The following ANO4 variants were observed in gnomAD, a reference collection of about 807,000 sequenced individuals.
ANO4 encodes anoctamin-4.
A neutral mutation model predicts 141.9 loss-of-function variants in ANO4; 69 were observed. That is an observed-to-expected ratio of 0.49 (90% CI 0.40 to 0.59). ANO4 has a LOEUF of 0.59. Among genes scored for constraint, ANO4 ranks in the 20% least tolerant of loss-of-function variants. The pLI is 0.00. For missense variants in ANO4, 894 were observed against 1,162.2 expected, an observed-to-expected ratio of 0.77 and a Z score of 3.36; for synonymous variants, 350 against 394.3, an observed-to-expected ratio of 0.89 and a Z score of 1.33.
intron 1 of ANO4, among the ~76,000 whole-genome samples, chr12:100,870,403 G>C (rs970260824): frequency 6.6e-6 from 1 of 152,020 alleles, no homozygotes; most frequent in Non-Finnish European, 1.5e-5. Context: ...AAGCAGCATT[G>C]GTTGTCTATT....
intron 2 of ANO4, among the ~76,000 whole-genome samples, chr12:100,914,966 C>A (rs2041269442): frequency 6.6e-6 from 1 of 152,064 alleles, no homozygotes; most frequent in Non-Finnish European, 1.5e-5. Context: ...AGGTATGCAC[C>A]AATATGCCCA....
intron 3 of ANO4, among the ~76,000 whole-genome samples, chr12:100,936,846 C>T (rs192877856): frequency 2.0e-5 from 3 of 152,306 alleles, no homozygotes; most frequent in East Asian, 1.9e-4. Flanking sequence ...TAATCCTCTT[C>T]GCCACCCTGA....
intron 5 of ANO4, among the ~76,000 whole-genome samples, chr12:100,960,217 A>G (rs1011865159): frequency 5.3e-5 from 8 of 152,090 alleles, no homozygotes; most frequent in Admixed American, 1.3e-4. Flanking sequence ...AAATGTTTTC[A>G]AATGTACTTT....
intron 1 of ANO4, among the ~76,000 whole-genome samples, chr12:100,899,542 A>G (rs1206376949): frequency 2.0e-5 from 3 of 152,146 alleles, no homozygotes; most frequent in Admixed American, 6.5e-5. Flanking sequence ...AGTGCTGCCT[A>G]TATTTGTTAC....
At chr12:101,096,449 C>T in intron 18 of ANO4, 87 bp from the exon 19 acceptor site, 1 of 1,089,226 alleles carries the variant, frequency 9.2e-7, no homozygotes, top group African/African-American at 1.6e-5. Flanking sequence ...CCTGCGTCCC[C>T]ACCCTGTGTG....
chr12:100,942,242 G>A (rs1427696065), intron 4 of ANO4, 135 bp from the exon 5 acceptor site: 5 of 947,658 alleles, frequency 5.3e-6, no homozygotes, highest in Non-Finnish European at 6.2e-6. Flanking sequence ...GCCTCCCAAA[G>A]TGCTGGGATT....
rs1279178333 is a variant in ANO4, at chr12:101,128,017, G to A, written c.*161G>A. The A allele has an allele frequency of 6.6e-6, 1 of 152,616 alleles. No individual in the cohort carries two copies. The highest frequency in any genetic ancestry group is 2.4e-5 in the African/African-American group (1 of 41,442). The allele number at this position is 152,616 out of a possible 1,614,324, so 9.5% of individuals were successfully genotyped here. A position where few individuals can be genotyped will look rare whatever the true frequency, so the allele number is the denominator to read the frequency against. On this transcript the variant is annotated 3_prime_UTR_variant, in exon 28 of 28. Coordinates refer to ENST00000392977, the MANE Select transcript of ANO4 (RefSeq NM_001286615.2). Reference sequence around the variant, plus strand: ...CAGCATCCAGTAGAGGACTGGCGTTGGAGTCACACTGCTGTGAAATCACGT... The same window carrying A: ...CAGCATCCAGTAGAGGACTGGCGTTAGAGTCACACTGCTGTGAAATCACGT...
chr12:100,770,651 G>A (rs2033258648), intron 3 of ANO4, among the ~76,000 whole-genome samples: 1 of 152,134 alleles, frequency 6.6e-6, no homozygotes, highest in Non-Finnish European at 1.5e-5. Flanking sequence ...TGAGAAGGAG[G>A]ACTTGTAGCT....
At chr12:100,890,060 T>C (rs1417347925) in intron 1 of ANO4, among the ~76,000 whole-genome samples, 4 of 152,084 alleles carry the variant, frequency 2.6e-5, no homozygotes, top group Non-Finnish European at 5.9e-5. Flanking sequence ...ATTATTATAG[T>C]TATGTCAGTA....
At chr12:101,123,239 T>C (rs888253961) in intron 26 of ANO4, among the ~76,000 whole-genome samples, 8 of 152,218 alleles carry the variant, frequency 5.3e-5, no homozygotes, top group African/African-American at 1.9e-4. Context: ...TGGCACACTC[T>C]CTCTTTAAAG....
At chr12:101,059,147 T>C (rs2048246247) in intron 14 of ANO4, among the ~76,000 whole-genome samples, 1 of 152,192 alleles carries the variant, frequency 6.6e-6, no homozygotes, top group African/African-American at 2.4e-5. Context: ...TGGTTCTGTT[T>C]TTGTGATGGA....
At chr12:100,935,200 C>T (rs557020010) in intron 3 of ANO4, among the ~76,000 whole-genome samples, 61 of 152,114 alleles carry the variant, frequency 4.0e-4, no homozygotes, top group Non-Finnish European at 6.9e-4. Flanking sequence ...CCAGTTTTTG[C>T]CCATTCAGTA....
intron 3 of ANO4, among the ~76,000 whole-genome samples, chr12:100,764,533 A>G (rs1213429784): frequency 6.6e-6 from 1 of 152,214 alleles, no homozygotes; most frequent in Non-Finnish European, 1.5e-5. Context: ...AAACTCTAAT[A>G]GCAACAATAA....
chr12:100,987,947 G>A (rs1246134638), intron 8 of ANO4, among the ~76,000 whole-genome samples: 1 of 152,180 alleles, frequency 6.6e-6, no homozygotes, highest in East Asian at 1.9e-4. Context: ...AGTGACCCAG[G>A]CTCTGTCATT....
At chr12:100,745,219 C>A (rs2032049444) in intron 3 of ANO4, among the ~76,000 whole-genome samples, 1 of 152,166 alleles carries the variant, frequency 6.6e-6, no homozygotes, top group Non-Finnish European at 1.5e-5. Flanking sequence ...CATGATTTTG[C>A]ACATCTGTGC....
chr12:100,718,451 G>T (rs2030713019), intron 1 of ANO4, among the ~76,000 whole-genome samples: 1 of 152,200 alleles, frequency 6.6e-6, no homozygotes, highest in Admixed American at 6.5e-5. Context: ...GTGAGCAATT[G>T]ATGGGGAATG....
At chr12:100,838,961 A>G (rs968432639) in intron 1 of ANO4, among the ~76,000 whole-genome samples, 1 of 152,196 alleles carries the variant, frequency 6.6e-6, no homozygotes, top group Non-Finnish European at 1.5e-5. Flanking sequence ...AACAGAAGGG[A>G]GACTAAAAGC....
chr12:101,025,635 C>T (rs570878449), intron 9 of ANO4, among the ~76,000 whole-genome samples: 15 of 152,306 alleles, frequency 9.8e-5, no homozygotes, highest in African/African-American at 3.6e-4. Flanking sequence ...ATTCACAGAG[C>T]AGTGAGGAGA....
intron 3 of ANO4, among the ~76,000 whole-genome samples, chr12:100,777,326 C>A (rs1168613211): frequency 7.8e-6 from 1 of 128,874 alleles, no homozygotes; most frequent in Non-Finnish European, 1.6e-5. Context: ...GCCATGTGGG[C>A]CGGGCTGGTC....
Sources: gnomAD v4.1 joint callset for allele counts (sites outside exome capture counted in the v4.1 genomes callset) on GRCh38, gnomAD v4.1.1 for gene constraint, MANE v1.5 for transcripts, NCBI Gene and HGNC (gene_info 2026-07-23, HGNC 2026-07-21) for gene names.